Variants in GRID2 observed in about 807,000 individuals in gnomAD.
The protein encoded by GRID2 is glutamate receptor ionotropic, delta-2.
A neutral mutation model predicts 114.8 loss-of-function variants in GRID2; 33 were observed. That is an observed-to-expected ratio of 0.29 (90% CI 0.22 to 0.38). GRID2 has a LOEUF of 0.38. GRID2 is among the 10% of genes least tolerant of loss of function. The pLI is 1.00. For missense variants in GRID2, 1,184 were observed against 1,257.7 expected, an observed-to-expected ratio of 0.94 and a Z score of 0.89; for synonymous variants, 505 against 449.9, an observed-to-expected ratio of 1.12 and a Z score of -1.55.
chr4:92,312,932 A>G (rs1725779938), intron 1 of GRID2, among the ~76,000 whole-genome samples: 1 of 152,068 alleles, frequency 6.6e-6, no homozygotes, highest in Non-Finnish European at 1.5e-5. Context: ...CAGCAACCCC[A>G]CTACTGGATA....
chr4:93,271,263 A>T lies in GRID2; in HGVS notation c.1245+32773A>T, dbSNP rs1751428893. 2.0e-5 allele frequency among the ~76,000 whole-genome samples: 3 copies of T among 152,176 alleles called. No homozygotes were observed. The South Asian group carries it at 6.2e-4, about 32-fold the overall frequency. ...AGAAGCTAGCAAACTGGTAGAATAA[A>T]TATGAACTCTGTGTAATGAGAACAT... On this transcript the variant is annotated intron_variant, in intron 8 of 15. Coordinates refer to ENST00000282020, the MANE Select transcript of GRID2 (RefSeq NM_001510.4).
intron 3 of GRID2, among the ~76,000 whole-genome samples, chr4:93,096,195 C>G (rs1192709622): frequency 6.6e-6 from 1 of 151,922 alleles, no homozygotes; most frequent in African/African-American, 2.4e-5. Context: ...ACTCTCATCT[C>G]TCACTACACA....
chr4:93,122,817 T>C (rs1733903272), intron 4 of GRID2, among the ~76,000 whole-genome samples: 1 of 151,888 alleles, frequency 6.6e-6, no homozygotes, highest in Non-Finnish European at 1.5e-5. Flanking sequence ...TGCTCTCAAA[T>C]CTGAGTTTTA....
intron 2 of GRID2, among the ~76,000 whole-genome samples, chr4:93,039,636 G>C (rs1056967824): frequency 6.6e-6 from 1 of 152,108 alleles, no homozygotes; most frequent in Non-Finnish European, 1.5e-5. Context: ...GAGGGCAACA[G>C]TGTCTATAAG....
At chr4:92,318,055 C>T (rs960537375) in intron 1 of GRID2, among the ~76,000 whole-genome samples, 2 of 151,512 alleles carry the variant, frequency 1.3e-5, no homozygotes, top group African/African-American at 4.9e-5. Context: ...TTGTATATAC[C>T]CTGTTGACCT....
intron 1 of GRID2, among the ~76,000 whole-genome samples, chr4:92,439,063 G>C (rs1374868036): frequency 6.6e-6 from 1 of 152,064 alleles, no homozygotes; most frequent in African/African-American, 2.4e-5. Flanking sequence ...GTCAGCGAAG[G>C]GAGATAAGGG....
intron 8 of GRID2, among the ~76,000 whole-genome samples, chr4:93,359,869 TAAAAAAAAAAAA>T (rs1158118048): frequency 2.5e-4 from 6 of 23,596 alleles, no homozygotes; most frequent in Non-Finnish European, 2.8e-4. Context: ...AAGGAAGGTG[TAAAAAAAAAAAA>T]AAAAAAAAAA....
At chr4:92,484,101 G>A (rs2149107455) in intron 1 of GRID2, among the ~76,000 whole-genome samples, 1 of 152,268 alleles carries the variant, frequency 6.6e-6, no homozygotes, top group South Asian at 2.1e-4. Flanking sequence ...ATGGTGGAAG[G>A]ATGGAGGGGG....
At chr4:93,281,189 C>A (rs1292424594) in intron 8 of GRID2, among the ~76,000 whole-genome samples, 2 of 151,546 alleles carry the variant, frequency 1.3e-5, no homozygotes, top group Non-Finnish European at 2.9e-5. Flanking sequence ...TAGAGAAGGC[C>A]TCAGAGAAAA....
At chr4:92,957,730 A>G (rs1015277833) in intron 2 of GRID2, among the ~76,000 whole-genome samples, 1 of 152,090 alleles carries the variant, frequency 6.6e-6, no homozygotes, top group Non-Finnish European at 1.5e-5. Flanking sequence ...TATTATTTAT[A>G]GATCAAATTG....
chr4:92,854,903 TCTTA>T (rs1208357687), intron 2 of GRID2, among the ~76,000 whole-genome samples: 3 of 152,074 alleles, frequency 2.0e-5, no homozygotes, highest in Non-Finnish European at 4.4e-5. Flanking sequence ...TCTGCTTAGC[TCTTA>T]CTTCAAAATA....
chr4:92,811,163 T>C (rs1740648728), intron 2 of GRID2, among the ~76,000 whole-genome samples: 1 of 152,122 alleles, frequency 6.6e-6, no homozygotes, highest in South Asian at 2.1e-4. Flanking sequence ...CAAAAATATC[T>C]TTTTGCAGTA....
intron 4 of GRID2, among the ~76,000 whole-genome samples, chr4:93,147,067 T>C (rs1408028557): frequency 6.6e-6 from 1 of 152,194 alleles, no homozygotes; most frequent in Non-Finnish European, 1.5e-5. Flanking sequence ...GTTTAACATT[T>C]TACTGTAATG....
chr4:92,441,566 A>T (rs969313113), intron 1 of GRID2, among the ~76,000 whole-genome samples: 6 of 152,120 alleles, frequency 3.9e-5, no homozygotes, highest in Admixed American at 1.3e-4. Context: ...GCAGATCCTG[A>T]GCTAACTTGT....
At chr4:93,688,984 T>C (rs1726312595) in intron 14 of GRID2, among the ~76,000 whole-genome samples, 1 of 151,594 alleles carries the variant, frequency 6.6e-6, no homozygotes, top group African/African-American at 2.4e-5. Flanking sequence ...AAAGACGGGG[T>C]TTTTAAAGAG....
At chr4:92,934,095 C>T (rs1303314983) in intron 2 of GRID2, among the ~76,000 whole-genome samples, 3 of 151,628 alleles carry the variant, frequency 2.0e-5, no homozygotes, top group Non-Finnish European at 4.4e-5. Context: ...TTATTGAGGC[C>T]TGAAATGCTT....
intron 12 of GRID2, among the ~76,000 whole-genome samples, chr4:93,502,713 C>G (rs956483430): frequency 4.2e-5 from 5 of 118,338 alleles, no homozygotes; most frequent in Non-Finnish European, 6.9e-5. Flanking sequence ...CCACTCCCCC[C>G]CCCCACACAC....
At chr4:93,703,490 C>A (rs535118160) in intron 14 of GRID2, among the ~76,000 whole-genome samples, 3 of 151,688 alleles carry the variant, frequency 2.0e-5, no homozygotes, top group African/African-American at 7.3e-5. Flanking sequence ...AATACTAGAT[C>A]GTATTTATTT....
intron 10 of GRID2, among the ~76,000 whole-genome samples, chr4:93,430,823 T>A (rs1475418002): frequency 1.3e-5 from 2 of 152,202 alleles, no homozygotes; most frequent in Admixed American, 1.3e-4. Context: ...TATAGCCTGA[T>A]GACAAAATAA....
Sources: allele counts gnomAD v4.1 joint callset (sites outside exome capture counted in the v4.1 genomes callset), GRCh38; gene constraint gnomAD v4.1.1; transcripts MANE v1.5; gene names NCBI Gene and HGNC (gene_info 2026-07-23, HGNC 2026-07-21).